TMC7: variants seen among roughly 807,000 people sequenced by gnomAD.
The protein encoded by TMC7 is transmembrane channel like 7.
Under a neutral mutation model 82.9 loss-of-function variants are expected in TMC7, and 54 were observed. The observed-to-expected ratio is 0.65, with a 90% CI of 0.52 to 0.82. TMC7 has a LOEUF of 0.82. TMC7 is among the 40% of genes least tolerant of loss of function. The pLI, the probability that TMC7 is intolerant of heterozygous loss-of-function variation, is 0.00. For missense variants in TMC7, 820 were observed against 901.2 expected (o/e 0.91, Z 1.15); for synonymous variants, 350 against 337.9 (o/e 1.04, Z -0.39).
intron 7 of TMC7, 64 bp downstream of exon 7, chr16:19,035,887 G>A: frequency 6.6e-7 from 1 of 1,511,024 alleles, no homozygotes; most frequent in Non-Finnish European, 8.8e-7. Flanking sequence ...TTTGGAGCCT[G>A]AGTTTTCAGC....
chr16:19,010,449 T>C (rs949514756), intron 2 of TMC7, among the ~76,000 whole-genome samples: 2 of 152,076 alleles, frequency 1.3e-5, no homozygotes, highest in Non-Finnish European at 2.9e-5. Flanking sequence ...CTACCGTGCC[T>C]GGCAGAAGTT....
chr16:19,006,705 C>T (rs547042571), intron 1 of TMC7, among the ~76,000 whole-genome samples: 31 of 152,304 alleles, frequency 2.0e-4, no homozygotes, highest in Admixed American at 1.7e-3. Flanking sequence ...ATGCAGGGCA[C>T]GGGGGAGCCC....
At chr16:19,037,129 G>C (rs1282025315) in intron 7 of TMC7, among the ~76,000 whole-genome samples, 1 of 152,080 alleles carries the variant, frequency 6.6e-6, no homozygotes, top group Non-Finnish European at 1.5e-5. Context: ...AGGCGCAGTG[G>C]TTCATGCCTG....
intron 1 of TMC7, among the ~76,000 whole-genome samples, chr16:18,998,762 A>G (rs1332948735): frequency 6.6e-6 from 1 of 151,370 alleles, no homozygotes; most frequent in Non-Finnish European, 1.5e-5. Flanking sequence ...TCAAAAAAAA[A>G]AAAAGAAAAG....
chr16:19,013,749 CCTCAGGTGA>C lies in TMC7; in HGVS notation c.312-2700_312-2692del, dbSNP rs1161184885. ...GGTTAGGCTCGTCTGGAATTCCTAG[CCTCAGGTGA>C]TCCATCTGCCTTGGCCTCCCAAAGT... On this transcript the variant is annotated intron_variant, in intron 2 of 15. Coordinates refer to ENST00000304381, the MANE Select transcript of TMC7 (RefSeq NM_024847.4). 2.0e-5 allele frequency among the ~76,000 whole-genome samples: 3 copies of C among 152,016 alleles called. No individual in the cohort carries two copies. The South Asian group carries it at 6.2e-4, about 32-fold the overall frequency.
chr16:19,015,798 A>G (rs1959656655), intron 2 of TMC7, among the ~76,000 whole-genome samples: 1 of 151,522 alleles, frequency 6.6e-6, no homozygotes, highest in African/African-American at 2.4e-5. Flanking sequence ...CTGGTCTCGA[A>G]TTCCTGACCT....
chr16:19,016,793 C>T (rs1241693320), intron 3 of TMC7, among the ~76,000 whole-genome samples, 195 bp downstream of exon 3: 1 of 152,080 alleles, frequency 6.6e-6, no homozygotes, highest in East Asian at 1.9e-4. Context: ...TTTTCCTGTC[C>T]CTTCCAGTTG....
rs114369768 is a variant in TMC7 at position 19,055,814 on chromosome 16, C to T, written c.1872-728C>T. On this transcript the variant is annotated intron_variant, in intron 13 of 15. Transcript: ENST00000304381. ...CATGGTGGTTTGCTATACCTACCCC[C>T]GTCACCTAGGTATTAAGCCCAGCAT... is the stretch of plus-strand genomic sequence containing the variant. Among the ~76,000 whole-genome samples the T allele has an allele frequency of 6.1e-3, 925 of 152,274 alleles. 7 individuals carry two copies. Among genetic ancestry groups the T allele is most frequent in the African/African-American group, 0.021 (878 of 41,574 alleles).
Position 19,061,919 on chromosome 16 carries a change from A to T in TMC7, c.*76A>T, listed in dbSNP as rs1271428023. ...TGATTCTGCTGAGCCTACAGAGTCT[A>T]CCTGGGTTTTGAGTGGACATTTAAA... On this transcript the variant is annotated 3_prime_UTR_variant, in exon 16 of 16. Transcript: ENST00000304381. 4.9e-5 allele frequency: 64 copies of T among 1,315,616 alleles called. No homozygotes were observed. Among genetic ancestry groups the T allele is most frequent in the Non-Finnish European group, 6.5e-5 (62 of 948,486 alleles). 81.5% of individuals were successfully genotyped at this position (1,315,616 alleles called of 1,614,324 possible).
At chr16:19,033,719 T>C (rs183313724) in intron 6 of TMC7, 2 of 152,186 alleles carry the variant, frequency 1.3e-5, no homozygotes, top group Non-Finnish European at 2.9e-5. Flanking sequence ...GTAGGTCTGG[T>C]CTGAATCAGA....
At chr16:19,044,768 C>CAA (rs1165792461) in intron 9 of TMC7, 116 bp from the exon 10 acceptor site, 4,738 of 289,670 alleles carry the variant, frequency 0.016, 2 homozygotes, top group East Asian at 0.023. Context: ...CACTCCATCT[C>CAA]AAAAAAAAAA....
intron 1 of TMC7, among the ~76,000 whole-genome samples, chr16:18,994,670 A>T (rs1270987479): frequency 1.3e-5 from 2 of 151,794 alleles, no homozygotes; most frequent in African/African-American, 4.8e-5. Flanking sequence ...AGGATAGGAG[A>T]GTATATGGGT....
intron 5 of TMC7, among the ~76,000 whole-genome samples, chr16:19,029,278 T>A (rs941524097): frequency 6.6e-6 from 1 of 152,250 alleles, no homozygotes; most frequent in African/African-American, 2.4e-5. Context: ...GTGCTGGGAT[T>A]ACAGGCATGA....
chr16:19,044,738 A>G, intron 9 of TMC7, 146 bp from the exon 10 acceptor site: 1 of 585,942 alleles, frequency 1.7e-6, no homozygotes, highest in Non-Finnish European at 3.0e-6. Context: ...ACTGCTCTCC[A>G]GCCTGGGCAA....
chr16:19,054,248 A>G (rs1961666840), intron 13 of TMC7, among the ~76,000 whole-genome samples: 1 of 152,030 alleles, frequency 6.6e-6, no homozygotes, highest in African/African-American at 2.4e-5. Context: ...AAAAGTTTAA[A>G]TCTACAGAAA....
At chr16:19,052,717 TTC>T (rs972079173) in intron 13 of TMC7, among the ~76,000 whole-genome samples, 3 of 148,334 alleles carry the variant, frequency 2.0e-5, no homozygotes, top group Non-Finnish European at 4.5e-5. Flanking sequence ...TCAGATTTTG[TTC>T]TTTTTTTTTA....
At chr16:18,989,823 C>CT (rs903314333) in intron 1 of TMC7, among the ~76,000 whole-genome samples, 1 of 149,718 alleles carries the variant, frequency 6.7e-6, no homozygotes, top group Non-Finnish European at 1.5e-5. Flanking sequence ...GAGGCGACTC[C>CT]TTTTTTTTAT....
At chr16:19,015,504 T>C (rs781602034) in intron 2 of TMC7, among the ~76,000 whole-genome samples, 1 of 152,066 alleles carries the variant, frequency 6.6e-6, no homozygotes, top group Non-Finnish European at 1.5e-5. Context: ...TATCTGTCAG[T>C]GGACATTTGG....
chr16:19,047,325 TCACCTCACA>T, intron 12 of TMC7, 76 bp downstream of exon 12: 6 of 1,251,000 alleles, frequency 4.8e-6, no homozygotes, highest in Non-Finnish European at 6.7e-6. Context: ...TGTCTGGAGC[TCACCTCACA>T]TCCCATGAGA....
Sources: gnomAD v4.1 joint callset for allele counts (sites outside exome capture counted in the v4.1 genomes callset) on GRCh38, gnomAD v4.1.1 for gene constraint, MANE v1.5 for transcripts, NCBI Gene and HGNC (gene_info 2026-07-23, HGNC 2026-07-21) for gene names.